The following RGS7 variants were observed in gnomAD, a reference collection of about 807,000 sequenced individuals.
RGS7 encodes regulator of G protein signaling 7, also known as regulator of G-protein signaling 7.
RGS7 carries 27 observed loss-of-function variants against 81.1 expected under a neutral mutation model. The ratio of observed to expected loss-of-function variants is 0.33; its 90% CI spans 0.25 to 0.46. RGS7 has a LOEUF of 0.46. Ranked by LOEUF, RGS7 falls within the 20% of genes least tolerant of loss-of-function variation. RGS7 has a pLI of 1.00. For missense variants in RGS7, 396 were observed against 607.4 expected (o/e 0.65, Z 3.66); for synonymous variants, 208 against 207.7 (o/e 1.00, Z -0.01).
chr1:241,288,245 A>G (rs1413185356), intron 2 of RGS7, among the ~76,000 whole-genome samples: 1 of 152,168 alleles, frequency 6.6e-6, no homozygotes, highest in African/African-American at 2.4e-5. Context: ...TAGTGTCTCT[A>G]TTTTACACAC....
intron 2 of RGS7, among the ~76,000 whole-genome samples, chr1:241,326,832 C>G (rs538559392): frequency 1.3e-5 from 2 of 149,780 alleles, no homozygotes; most frequent in Admixed American, 1.3e-4. Flanking sequence ...ATCACTTGAG[C>G]CCAGGAGGTT....
Position 241,301,670 on chromosome 1 carries a change from T to G in RGS7, c.78+54029A>C, listed in dbSNP as rs1398807965. 2.6e-5 allele frequency among the ~76,000 whole-genome samples: 4 copies of G among 152,334 alleles called. No homozygotes were observed. The East Asian group carries it at 7.7e-4, about 29-fold the overall frequency. Reference sequence around the variant, plus strand: ...TTATTAAAATAATGGCAAAGTTATTTTGGAAGTAAACTGATCTAACTATAA... The same window carrying G: ...TTATTAAAATAATGGCAAAGTTATTGTGGAAGTAAACTGATCTAACTATAA... On this transcript the variant is annotated intron_variant, in intron 2 of 18. Coordinates refer to ENST00000440928, the MANE Select transcript of RGS7 (RefSeq NM_001364886.1).
At chr1:240,854,616 T>G (rs1660738655) in intron 9 of RGS7, among the ~76,000 whole-genome samples, 1 of 152,170 alleles carries the variant, frequency 6.6e-6, no homozygotes, top group Non-Finnish European at 1.5e-5. Flanking sequence ...CACTGGACAA[T>G]TAGAAGGATG....
intron 2 of RGS7, among the ~76,000 whole-genome samples, chr1:241,218,706 G>A (rs1490439863): frequency 6.6e-6 from 1 of 152,072 alleles, no homozygotes; most frequent in East Asian, 1.9e-4. Context: ...GTGCAATGGC[G>A]CAATCTCGGC....
intron 2 of RGS7, among the ~76,000 whole-genome samples, chr1:241,151,565 C>CTT (rs58097674): frequency 0.014 from 1,601 of 116,392 alleles, 50 homozygotes; most frequent in African/African-American, 0.05. Context: ...ATTAGGAACT[C>CTT]TTTTTTTTTT....
At chr1:240,954,893 A>T (rs1406218410) in intron 4 of RGS7, among the ~76,000 whole-genome samples, 2 of 152,222 alleles carry the variant, frequency 1.3e-5, no homozygotes, top group African/African-American at 2.4e-5. Context: ...AAGGTAGAAT[A>T]TCAAGTTTAT....
rs543918217 is a variant in RGS7 at position 240,812,187 on chromosome 1, C to T, written c.957-144G>A. ...AAAAATATATATATCCGATTAACGG[C>T]TCTGCATGAAATCATCGTGTACATT... On this transcript the variant is annotated intron_variant, in intron 13 of 18. Coordinates refer to ENST00000440928, the MANE Select transcript of RGS7 (RefSeq NM_001364886.1). 25 of 807,044 alleles carry T rather than the reference C, an allele frequency of 3.1e-5. No homozygotes were observed. In the Admixed American group the frequency reaches 5.7e-4, roughly 18 times the overall value. The allele number at this position is 807,044 out of a possible 1,614,324, so 50.0% of individuals were successfully genotyped here. A position where few individuals can be genotyped will look rare whatever the true frequency, so the allele number is the denominator to read the frequency against.
intron 2 of RGS7, among the ~76,000 whole-genome samples, chr1:241,228,043 T>C (rs2075424234): frequency 6.6e-6 from 1 of 152,220 alleles, no homozygotes. Flanking sequence ...ACTGAGTGAC[T>C]TCTCAGGCTA....
chr1:241,105,471 C>T (rs988264267), intron 2 of RGS7, among the ~76,000 whole-genome samples: 7 of 152,106 alleles, frequency 4.6e-5, no homozygotes, highest in African/African-American at 1.7e-4. Flanking sequence ...GAACACTTGG[C>T]GGAATGAAAG....
chr1:241,279,417 C>T (rs974169710), intron 2 of RGS7, among the ~76,000 whole-genome samples: 8 of 152,148 alleles, frequency 5.3e-5, no homozygotes, highest in Non-Finnish European at 1.2e-4. Context: ...AAATAGTCTT[C>T]TAACAAAGAT....
In RGS7 at chr1:241,271,102, C is replaced by T. The variant is rs2077873106; in HGVS notation, c.78+84597G>A. 6.6e-6 allele frequency among the ~76,000 whole-genome samples: 1 copy of T among 152,204 alleles called. No homozygotes were observed. Among genetic ancestry groups the T allele is most frequent in the Non-Finnish European group, 1.5e-5 (1 of 68,032 alleles). ...TCGCTGCAGTGGCGAAAGCATTCAT[C>T]ATTGCCGACCTGTGTGGAATGTGAA... On this transcript the variant is annotated intron_variant, in intron 2 of 18. Transcript: ENST00000440928. The surrounding 1 kb of genome is among the most constrained non-coding windows in gnomAD (Gnocchi z 4.6).
chr1:241,129,675 G>A (rs1558754956), intron 2 of RGS7, among the ~76,000 whole-genome samples: 1 of 152,168 alleles, frequency 6.6e-6, no homozygotes, highest in Non-Finnish European at 1.5e-5. Flanking sequence ...ACTTGAGTGA[G>A]CACCACAGTT....
intron 3 of RGS7, among the ~76,000 whole-genome samples, chr1:241,043,846 A>G (rs1242650086): frequency 6.6e-6 from 1 of 151,770 alleles, no homozygotes; most frequent in African/African-American, 2.4e-5. Context: ...TTATCCACAT[A>G]TATTATGCCA....
chr1:241,220,994 G>GAAGGAAGGAAGAAAGAAAGA (rs1553289421), intron 2 of RGS7, among the ~76,000 whole-genome samples: 4 of 93,600 alleles, frequency 4.3e-5, no homozygotes, highest in Admixed American at 3.7e-4. Flanking sequence ...AGGAAGGAAG[G>GAAGGAAGGAAGAAAGAAAGA]AAGAGAGAGA....
intron 2 of RGS7, among the ~76,000 whole-genome samples, chr1:241,116,691 T>C (rs2065906713): frequency 6.6e-6 from 1 of 152,188 alleles, no homozygotes. Context: ...TACATAGTCA[T>C]GGGGTACATA....
chr1:241,155,666 A>C lies in RGS7; in HGVS notation c.79-56904T>G, dbSNP rs187044945. Among the ~76,000 whole-genome samples the C allele has an allele frequency of 3.3e-3, 499 of 152,238 alleles. 4 individuals carry two copies. The highest frequency in any genetic ancestry group is 0.012 in the African/African-American group (480 of 41,536). ...TTTTAAATAAGGTTGTCAAAGGTTA[A>C]GTATGTTTGAGGTAAAATTATTTCC... On this transcript the variant is annotated intron_variant, in intron 2 of 18. Coordinates refer to ENST00000440928, the MANE Select transcript of RGS7 (RefSeq NM_001364886.1).
intron 2 of RGS7, among the ~76,000 whole-genome samples, chr1:241,122,053 T>C (rs1467145804): frequency 6.6e-6 from 1 of 152,226 alleles, no homozygotes; most frequent in Non-Finnish European, 1.5e-5. Context: ...AAGACTGCTT[T>C]ATTACTTTTT....
At chr1:241,182,415 T>C (rs1259812175) in intron 2 of RGS7, among the ~76,000 whole-genome samples, 3 of 152,204 alleles carry the variant, frequency 2.0e-5, no homozygotes, top group Admixed American at 2.0e-4. Context: ...AATGAAGTCA[T>C]GGCTTACAAA....
chr1:241,172,472 GA>G (rs1186305299), intron 2 of RGS7, among the ~76,000 whole-genome samples: 3 of 152,208 alleles, frequency 2.0e-5, no homozygotes, highest in African/African-American at 7.2e-5. Flanking sequence ...AGAACAGCAT[GA>G]AACAGCTATT....
Sources: gnomAD v4.1 joint callset for allele counts (sites outside exome capture counted in the v4.1 genomes callset) on GRCh38, gnomAD v4.1.1 for gene constraint, Gnocchi (gnomAD v3.1) non-coding constraint, MANE v1.5 for transcripts, NCBI Gene and HGNC (gene_info 2026-07-23, HGNC 2026-07-21) for gene names.